Variants in AHCTF1 observed in about 807,000 individuals in gnomAD.
AHCTF1 encodes the protein AT-hook containing transcription factor 1, also known as protein ELYS.
Under a neutral mutation model 248.4 loss-of-function variants are expected in AHCTF1, and 24 were observed. That is an observed-to-expected ratio of 0.10 (90% CI 0.07 to 0.14). AHCTF1 has a LOEUF of 0.14. Ranked by LOEUF, AHCTF1 falls within the 10% of genes least tolerant of loss-of-function variation. The pLI is 1.00. For missense variants in AHCTF1, 2,206 were observed against 2,636.2 expected (o/e 0.84, Z 3.57); for synonymous variants, 786 against 929.8 (o/e 0.85, Z 2.81).
At chr1:246,921,019 GAGA>G (rs2103238871) in intron 1 of AHCTF1, among the ~76,000 whole-genome samples, 1 of 152,236 alleles carries the variant, frequency 6.6e-6, no homozygotes, top group African/African-American at 2.4e-5. Flanking sequence ...TTGAACCTGG[GAGA>G]AGGAGGTTGC....
chr1:246,871,721 G>C (rs185871975), intron 24 of AHCTF1, among the ~76,000 whole-genome samples: 1 of 151,714 alleles, frequency 6.6e-6, no homozygotes, highest in Admixed American at 6.6e-5. Context: ...TTTTTTTTGA[G>C]GCCTCCTGAC....
At chr1:246,863,751 G>C (rs1478044559) in intron 27 of AHCTF1, among the ~76,000 whole-genome samples, 173 bp downstream of exon 27, 1 of 152,156 alleles carries the variant, frequency 6.6e-6, no homozygotes. Context: ...AGCAGGAAGG[G>C]ATAAATTTAA....
Position 246,840,951 on chromosome 1 carries a change from C to G in AHCTF1, c.6656G>C (p.Arg2219Pro), listed in dbSNP as rs538108525. 15 of 1,611,412 alleles carry G rather than the reference C, an allele frequency of 9.3e-6. 1 individual carries two copies. The South Asian group carries it at 1.7e-4, about 18-fold the overall frequency. Residue 2219 changes from arginine (R) to proline (P), a missense_variant, in exon 36 of 36, where the codon CGG becomes CCG. This residue lies in a region of AHCTF1 where 469 missense variants were observed against 470.0 expected (regional missense o/e 1.00). Transcript: ENST00000648844. ...TGGGCTAGCCAAGGGGGAAATCAGC[C>G]GAATTTCTATGGGAGGAGGTGACCA... is the stretch of plus-strand genomic sequence containing the variant. Reference protein sequence around the residue: ...SAWSPPPIEIRLISPLASPAD... With the variant: ...SAWSPPPIEIPLISPLASPAD...
chr1:246,887,448 A>G (rs1333040819), intron 19 of AHCTF1, 91 bp from the exon 20 acceptor site: 7 of 1,295,874 alleles, frequency 5.4e-6, no homozygotes, highest in Middle Eastern at 1.9e-4. Context: ...ATGTAGCATT[A>G]AAAGAGACTT....
At chr1:246,903,661 C>CCA (rs1558264255) in intron 7 of AHCTF1, among the ~76,000 whole-genome samples, 2 of 120,726 alleles carry the variant, frequency 1.7e-5, no homozygotes, top group African/African-American at 6.2e-5. Flanking sequence ...GACCCCCCCC[C>CCA]CTCCGTCTCT....
intron 7 of AHCTF1, 69 bp from the exon 8 acceptor site, chr1:246,902,744 C>A: frequency 7.2e-7 from 1 of 1,387,146 alleles, no homozygotes; most frequent in Non-Finnish European, 9.6e-7. Context: ...ATTAAATATT[C>A]TCCAAATTTA....
At chr1:246,872,752 T>C (rs762458531) in intron 24 of AHCTF1, among the ~76,000 whole-genome samples, 2 of 152,298 alleles carry the variant, frequency 1.3e-5, no homozygotes, top group Admixed American at 6.5e-5. Context: ...AATCACTATA[T>C]AGAAGAGCTT....
At chr1:246,863,020 T>C (rs1661687921) in intron 27 of AHCTF1, among the ~76,000 whole-genome samples, 1 of 152,220 alleles carries the variant, frequency 6.6e-6, no homozygotes, top group South Asian at 2.1e-4. Context: ...TAACAATTCT[T>C]TTTTCTAGAC....
chr1:246,844,858 A>G lies in AHCTF1; in HGVS notation c.6392-930T>C, dbSNP rs76213609. On this transcript the variant is annotated intron_variant, in intron 33 of 35. Coordinates refer to ENST00000648844, the MANE Select transcript of AHCTF1 (RefSeq NM_001323342.2). ...CCCCATATTAAAAGCAATTATCAAT[A>G]TAATTACAGACGAGCACAGTTCAGT... 6.6e-5 allele frequency among the ~76,000 whole-genome samples: 10 copies of G among 151,256 alleles called. No homozygotes were observed. The East Asian group carries it at 1.9e-3, about 29-fold the overall frequency.
At chr1:246,903,199 T>C (rs1177676713) in intron 7 of AHCTF1, among the ~76,000 whole-genome samples, 2 of 152,170 alleles carry the variant, frequency 1.3e-5, no homozygotes, top group Admixed American at 1.3e-4. Context: ...GAGACAGGTA[T>C]GTGAGGGTGA....
At chr1:246,842,093 T>A (rs1321103280) in intron 35 of AHCTF1, among the ~76,000 whole-genome samples, 1 of 150,370 alleles carries the variant, frequency 6.7e-6, no homozygotes, top group African/African-American at 2.4e-5. Context: ...ACGCCCGACC[T>A]CCCATGTTCC....
chr1:246,879,839 C>A (rs1235879740), intron 21 of AHCTF1, among the ~76,000 whole-genome samples: 2 of 148,438 alleles, frequency 1.3e-5, no homozygotes. Flanking sequence ...CCAACCCCGC[C>A]AAAAAAAAAG....
chr1:246,857,099 G>A (rs1441887088), intron 30 of AHCTF1, among the ~76,000 whole-genome samples: 3 of 152,182 alleles, frequency 2.0e-5, no homozygotes, highest in Non-Finnish European at 1.5e-5. Flanking sequence ...TAGTACAGCT[G>A]ACTTTCCGTA....
chr1:246,918,191 A>G, intron 2 of AHCTF1, 59 bp downstream of exon 2: 1 of 1,473,154 alleles, frequency 6.8e-7, no homozygotes. Flanking sequence ...ATATATACTT[A>G]TTATTATTTA....
chr1:246,867,580 G>C (rs1385707595), intron 25 of AHCTF1, 81 bp downstream of exon 25: 2 of 1,503,658 alleles, frequency 1.3e-6, no homozygotes, highest in Non-Finnish European at 1.8e-6. Flanking sequence ...TAGGCAAAGA[G>C]AGTGGATTGT....
rs774473508 is a variant in AHCTF1 at position 246,849,943 on chromosome 1, A to G, written c.6063T>C (p.Asp2021=). The G allele has an allele frequency of 7.4e-6, 12 of 1,613,876 alleles. No homozygotes were observed. In the African/African-American group the frequency reaches 1.5e-4, roughly 20 times the overall value. The change falls in exon 33 of 36, where the codon GAT becomes GAC. Residue 2021 remains aspartate, a synonymous_variant. Coordinates refer to ENST00000648844, the MANE Select transcript of AHCTF1 (RefSeq NM_001323342.2). The part of the protein sequence containing the change: ...RNTPAKSENV[D]VGKPALGKSI... ...ATTTTCCTAAAGCTGGTTTTCCAAC[A>G]TCAACATTTTCACTTTTAGCTGGGG...
chr1:246,918,442 C>A, intron 1 of AHCTF1, 65 bp from the exon 2 acceptor site: 1 of 1,415,558 alleles, frequency 7.1e-7, no homozygotes, highest in Non-Finnish European at 9.4e-7. Context: ...TTGATTATGT[C>A]CAGCCAGGAA....
At chr1:246,921,002 G>C (rs934001059) in intron 1 of AHCTF1, among the ~76,000 whole-genome samples, 1 of 151,340 alleles carries the variant, frequency 6.6e-6, no homozygotes, top group Non-Finnish European at 1.5e-5. Context: ...TGAGGCAGGA[G>C]AATCGCTTGA....
Position 246,839,476 on chromosome 1 carries a change from A to G in AHCTF1, c.*1330T>C. On this transcript the variant is annotated 3_prime_UTR_variant, in exon 36 of 36. Transcript: ENST00000648844. ...TTTGATAACTATCATTAAAAAAGTA[A>G]TAAAATCAAAGTCAGTGAAATTTTC... 4 of 940,176 alleles carry G rather than the reference A, an allele frequency of 4.3e-6. No homozygotes were observed. The highest frequency in any genetic ancestry group is 5.1e-6 in the Non-Finnish European group (4 of 788,790). 58.2% of individuals were successfully genotyped at this position (940,176 alleles called of 1,614,324 possible).
Sources: gnomAD v4.1 joint callset for allele counts (sites outside exome capture counted in the v4.1 genomes callset) on GRCh38, gnomAD v4.1.1 for gene constraint, gnomAD v4.1.1 regional missense constraint, MANE v1.5 for transcripts, NCBI Gene and HGNC (gene_info 2026-07-23, HGNC 2026-07-21) for gene names.